Variants in PTRH2 observed in about 807,000 individuals in gnomAD.
The protein encoded by PTRH2 is peptidyl-tRNA hydrolase 2.
Under a neutral mutation model 12.3 loss-of-function variants are expected in PTRH2, and 10 were observed. That is an observed-to-expected ratio of 0.81 (90% CI 0.50 to 1.38). PTRH2 has a LOEUF of 1.38. Among genes scored for constraint, PTRH2 ranks in the 40% most tolerant of loss-of-function variants. The pLI is 0.00. For missense variants in PTRH2, 176 were observed against 214.1 expected (o/e 0.82, Z 1.11); for synonymous variants, 73 against 77.4 (o/e 0.94, Z 0.30).
At chr17:59,701,714 T>C (rs1290365984) in intron 1 of PTRH2, among the ~76,000 whole-genome samples, 1 of 152,152 alleles carries the variant, frequency 6.6e-6, no homozygotes, top group Non-Finnish European at 1.5e-5. Flanking sequence ...GTTTGTTTGT[T>C]TGTCTATTTG....
At chr17:59,702,398 C>T (rs561054379) in intron 1 of PTRH2, among the ~76,000 whole-genome samples, 2 of 152,322 alleles carry the variant, frequency 1.3e-5, no homozygotes, top group African/African-American at 4.8e-5. Context: ...AGGGTTCACA[C>T]TCGCATGAGA....
chr17:59,698,059 C>A, intron 1 of PTRH2, 81 bp from the exon 2 acceptor site: 1 of 1,396,002 alleles, frequency 7.2e-7, no homozygotes, highest in South Asian at 1.4e-5. Context: ...AACATTTTGA[C>A]TATACACTTA....
intron 1 of PTRH2, chr17:59,699,851 C>T (rs2033524113): frequency 6.5e-6 from 1 of 152,708 alleles, no homozygotes. Context: ...CCTTCCTCTT[C>T]TTCATCTCAC....
At chr17:59,698,007 A>C (rs567934806) in intron 1 of PTRH2, 29 bp from the exon 2 acceptor site, 1 of 1,590,624 alleles carries the variant, frequency 6.3e-7, no homozygotes, top group African/African-American at 1.3e-5. Context: ...AGTTATCACT[A>C]TCCGGCAGTA....
At chr17:59,700,217 TTTA>T (rs1299678728) in intron 1 of PTRH2, 6 of 152,246 alleles carry the variant, frequency 3.9e-5, no homozygotes, top group Admixed American at 3.9e-4. Context: ...AATGTCATCC[TTTA>T]TTATTTTAGA....
intron 1 of PTRH2, among the ~76,000 whole-genome samples, chr17:59,701,693 G>A (rs546511276): frequency 2.1e-5 from 3 of 143,424 alleles, no homozygotes; most frequent in Admixed American, 2.0e-4. Context: ...TTAAAACTTT[G>A]GGGTTTTTTT....
At chr17:59,698,837 G>A (rs2033501459) in intron 1 of PTRH2, 1 of 713,574 alleles carries the variant, frequency 1.4e-6, no homozygotes, top group Non-Finnish European at 2.6e-6. Flanking sequence ...ATTGAATACT[G>A]TAAGTGGAAA....
intron 1 of PTRH2, chr17:59,700,285 C>G (rs1446333484): frequency 6.6e-6 from 1 of 152,212 alleles, no homozygotes; most frequent in Non-Finnish European, 1.5e-5. Context: ...CAATAAGACA[C>G]TTATATCAGT....
rs2033459561 is a variant in PTRH2 at position 59,697,490 on chromosome 17, T to C, written c.489A>G (p.Pro163=). The change falls in exon 2 of 2, where the codon CCA becomes CCG. Residue 163 remains proline (P), a synonymous_variant. Coordinates refer to ENST00000393038, the MANE Select transcript of PTRH2 (RefSeq NM_016077.5). ...PGSQTVLGIG[P]GPADLIDKVT... is the part of the protein sequence containing the mutation. ...CTTTGTCAATTAGGTCTGCTGGTCC[T>C]GGCCCAATCCCTAGGACAGTTTGAG... The C allele has an allele frequency of 1.2e-6, 2 of 1,614,180 alleles. No homozygotes were observed. Among genetic ancestry groups the C allele is most frequent in the Non-Finnish European group, 1.7e-6 (2 of 1,180,000 alleles).
chr17:59,704,405 A>AT (rs1006264972), intron 1 of PTRH2, among the ~76,000 whole-genome samples: 8 of 152,262 alleles, frequency 5.3e-5, no homozygotes, highest in African/African-American at 1.9e-4. Context: ...AAGAAAAAAA[A>AT]GGATATATCA....
chr17:59,703,397 A>G (rs1194236110), intron 1 of PTRH2, among the ~76,000 whole-genome samples: 2 of 152,162 alleles, frequency 1.3e-5, no homozygotes, highest in African/African-American at 2.4e-5. Context: ...AGAAGCATCT[A>G]TATATAATTA....
At chr17:59,706,644 T>C (rs116060347) in intron 1 of PTRH2, among the ~76,000 whole-genome samples, 1 of 150,060 alleles carries the variant, frequency 6.7e-6, no homozygotes, top group South Asian at 2.1e-4. Context: ...GTTAATCTCT[T>C]TGTGTGAAAA....
At chr17:59,705,248 A>G (rs1206113437) in intron 1 of PTRH2, among the ~76,000 whole-genome samples, 1 of 152,214 alleles carries the variant, frequency 6.6e-6, no homozygotes, top group East Asian at 1.9e-4. Context: ...TTCCGGTACT[A>G]TCTGGAGAAG....
intron 1 of PTRH2, among the ~76,000 whole-genome samples, chr17:59,706,424 T>G (rs891008851): frequency 6.6e-6 from 1 of 152,088 alleles, no homozygotes; most frequent in Admixed American, 6.6e-5. Context: ...ACTCCTGGGC[T>G]CAAGCAATCC....
At chr17:59,707,065 G>A (rs1386772281) in intron 1 of PTRH2, 1 of 152,194 alleles carries the variant, frequency 6.6e-6, no homozygotes, top group Non-Finnish European at 1.5e-5. Flanking sequence ...GCCCAGCTGA[G>A]GGTATGAGGC....
intron 1 of PTRH2, among the ~76,000 whole-genome samples, chr17:59,705,249 T>C (rs984538601): frequency 6.6e-6 from 1 of 152,222 alleles, no homozygotes. Context: ...TCCGGTACTA[T>C]CTGGAGAAGG....
chr17:59,698,044 A>G, intron 1 of PTRH2, 66 bp from the exon 2 acceptor site: 1 of 1,480,814 alleles, frequency 6.8e-7, no homozygotes, highest in East Asian at 2.3e-5. Flanking sequence ...TAGGCTTATC[A>G]GAGAAACATT....
chr17:59,698,689 T>G (rs1431440383), intron 1 of PTRH2: 1 of 550,962 alleles, frequency 1.8e-6, no homozygotes, highest in African/African-American at 1.9e-5. Context: ...AAAAATGCAT[T>G]TAATACACCT....
intron 1 of PTRH2, among the ~76,000 whole-genome samples, chr17:59,704,256 G>A (rs2033604006): frequency 6.6e-6 from 1 of 152,206 alleles, no homozygotes; most frequent in Non-Finnish European, 1.5e-5. Context: ...GAAGTCTGGT[G>A]GCAAAAGAAA....
Sources: gnomAD v4.1 joint callset for allele counts (sites outside exome capture counted in the v4.1 genomes callset) on GRCh38, gnomAD v4.1.1 for gene constraint, MANE v1.5 for transcripts, NCBI Gene and HGNC (gene_info 2026-07-23, HGNC 2026-07-21) for gene names.